Variants in CADM2 observed in about 807,000 individuals in gnomAD.
CADM2 encodes the protein immunoglobulin superfamily member 4D.
In CADM2, 12 loss-of-function variants were observed where a neutral mutation model predicts 49.8. The ratio of observed to expected loss-of-function variants is 0.24; its 90% CI spans 0.15 to 0.39. The LOEUF (loss-of-function observed/expected upper bound fraction) is 0.39. CADM2 is among the 10% of genes least tolerant of loss of function. The pLI, the probability that CADM2 is intolerant of heterozygous loss-of-function variation, is 1.00. For synonymous variants in CADM2, 214 were observed against 175.4 expected, an observed-to-expected ratio of 1.22 and a Z score of -1.74; for missense variants, 378 against 492.3, an observed-to-expected ratio of 0.77 and a Z score of 2.20.
chr3:85,674,153 T>A (rs2065825266), intron 1 of CADM2, among the ~76,000 whole-genome samples: 1 of 151,716 alleles, frequency 6.6e-6, no homozygotes, highest in Admixed American at 6.6e-5. Context: ...AGATATTAGT[T>A]AAAAAAAATG....
At chr3:85,633,526 C>T (rs1024450290) in intron 1 of CADM2, among the ~76,000 whole-genome samples, 3 of 151,940 alleles carry the variant, frequency 2.0e-5, no homozygotes, top group Admixed American at 2.0e-4. Flanking sequence ...TGTCCAGGCC[C>T]CTCACAAACC....
At chr3:85,299,162 G>A (rs1450469047) in intron 1 of CADM2, among the ~76,000 whole-genome samples, 2 of 152,076 alleles carry the variant, frequency 1.3e-5, no homozygotes, top group African/African-American at 4.8e-5. Context: ...TAAAAAACTT[G>A]AGAGCTTTTA....
intron 1 of CADM2, among the ~76,000 whole-genome samples, chr3:85,722,128 G>T (rs2067525784): frequency 6.6e-6 from 1 of 152,014 alleles, no homozygotes; most frequent in African/African-American, 2.4e-5. Flanking sequence ...GCCCTGAAGT[G>T]GGTAGCTCCT....
chr3:85,547,307 A>G (rs1177538913), intron 1 of CADM2, among the ~76,000 whole-genome samples: 2 of 152,184 alleles, frequency 1.3e-5, no homozygotes, highest in Non-Finnish European at 2.9e-5. Flanking sequence ...TCAAGCTGCT[A>G]TTTATGATTG....
intron 1 of CADM2, among the ~76,000 whole-genome samples, chr3:85,676,971 A>G (rs976451286): frequency 6.6e-6 from 1 of 152,122 alleles, no homozygotes; most frequent in African/African-American, 2.4e-5. Flanking sequence ...ACTTTCATAT[A>G]GGTTTATAGA....
At chr3:85,823,126 T>C (rs2073695769) in intron 3 of CADM2, among the ~76,000 whole-genome samples, 1 of 152,196 alleles carries the variant, frequency 6.6e-6, no homozygotes, top group African/African-American at 2.4e-5. Flanking sequence ...AAGTTTTTTG[T>C]TGTTCAGATA....
chr3:85,909,420 A>ATATAT (rs1559735946), intron 5 of CADM2, among the ~76,000 whole-genome samples: 3 of 150,596 alleles, frequency 2.0e-5, no homozygotes, highest in Admixed American at 6.6e-5. Flanking sequence ...ATATATATAT[A>ATATAT]ATGTCCAATG....
intron 3 of CADM2, among the ~76,000 whole-genome samples, chr3:85,862,875 G>A (rs2075589209): frequency 6.6e-6 from 1 of 152,068 alleles, no homozygotes; most frequent in Admixed American, 6.6e-5. Flanking sequence ...TTGAAAAAAT[G>A]GAGGCATAAG....
chr3:85,299,541 T>C (rs1017388960), intron 1 of CADM2, among the ~76,000 whole-genome samples: 1 of 152,078 alleles, frequency 6.6e-6, no homozygotes, highest in Non-Finnish European at 1.5e-5. Flanking sequence ...AAATGTCGTA[T>C]GGATCAGAAG....
intron 1 of CADM2, among the ~76,000 whole-genome samples, chr3:85,229,698 G>A (rs1233419869): frequency 6.6e-6 from 1 of 152,316 alleles, no homozygotes; most frequent in East Asian, 1.9e-4. Flanking sequence ...TTGATGCCAA[G>A]TCTGAAGATG....
intron 2 of CADM2, among the ~76,000 whole-genome samples, chr3:85,755,536 A>G (rs2069073304): frequency 1.3e-5 from 2 of 152,148 alleles, no homozygotes; most frequent in African/African-American, 2.4e-5. Flanking sequence ...TTCTTGCACT[A>G]CTATAAAGAT....
chr3:85,275,014 G>T (rs1319210659), intron 1 of CADM2, among the ~76,000 whole-genome samples: 1 of 151,394 alleles, frequency 6.6e-6, no homozygotes, highest in Non-Finnish European at 1.5e-5. Flanking sequence ...AAAAAGCCTA[G>T]CCATAGAATC....
intron 3 of CADM2, among the ~76,000 whole-genome samples, chr3:85,834,125 A>T (rs1416538861): frequency 6.6e-6 from 1 of 151,644 alleles, no homozygotes; most frequent in African/African-American, 2.4e-5. Flanking sequence ...TCTTCTTATG[A>T]TTGTCAAAGG....
intron 2 of CADM2, among the ~76,000 whole-genome samples, chr3:85,796,091 GCAAA>G (rs2071603513): frequency 6.6e-6 from 1 of 152,296 alleles, no homozygotes; most frequent in African/African-American, 2.4e-5. Context: ...ATTTAAAGAA[GCAAA>G]CAGTCTTATT....
At chr3:86,046,082 G>T (rs971623837) in intron 8 of CADM2, among the ~76,000 whole-genome samples, 1 of 152,056 alleles carries the variant, frequency 6.6e-6, no homozygotes, top group Non-Finnish European at 1.5e-5. Flanking sequence ...AAATGTAGCT[G>T]AATTCAGAGA....
intron 1 of CADM2, among the ~76,000 whole-genome samples, chr3:85,537,811 T>C (rs2061458363): frequency 1.3e-5 from 2 of 152,106 alleles, no homozygotes; most frequent in South Asian, 4.1e-4. Context: ...ACTGTGAAAT[T>C]AGAACTAATT....
At chr3:85,186,336 A>G (rs1159921114) in intron 1 of CADM2, among the ~76,000 whole-genome samples, 1 of 152,142 alleles carries the variant, frequency 6.6e-6, no homozygotes, top group African/African-American at 2.4e-5. Context: ...ATTTTGAACA[A>G]AAACCTAAAT....
intron 1 of CADM2, among the ~76,000 whole-genome samples, chr3:84,984,356 TAAAAAAAAAAAA>T (rs375702349): frequency 1.3e-3 from 89 of 67,058 alleles, no homozygotes; most frequent in East Asian, 1.7e-3. Flanking sequence ...AAGATTAAGC[TAAAAAAAAAAAA>T]AAAAAAAAAA....
At chr3:85,000,053 A>T (rs1205254033) in intron 1 of CADM2, among the ~76,000 whole-genome samples, 3 of 151,940 alleles carry the variant, frequency 2.0e-5, no homozygotes, top group Non-Finnish European at 2.9e-5. Flanking sequence ...GGGACCTTAC[A>T]AATTTCACAG....
Sources: gnomAD v4.1 joint callset for allele counts (sites outside exome capture counted in the v4.1 genomes callset) on GRCh38, gnomAD v4.1.1 for gene constraint, MANE v1.5 for transcripts, NCBI Gene and HGNC (gene_info 2026-07-23, HGNC 2026-07-21) for gene names.